CDH8: variants seen among roughly 807,000 people sequenced by gnomAD.
The protein encoded by CDH8 is cadherin-8.
CDH8 carries 17 observed loss-of-function variants against 68.1 expected under a neutral mutation model. That is an observed-to-expected ratio of 0.25 (90% CI 0.17 to 0.37). CDH8 has a LOEUF of 0.37. CDH8 is among the 10% of genes least tolerant of loss of function. The probability of loss-of-function intolerance (pLI) is 1.00; values close to 1 mark genes in which losing one functional copy is unlikely to be tolerated. For synonymous variants in CDH8, 372 were observed against 365.1 expected, an observed-to-expected ratio of 1.02 and a Z score of -0.21; for missense variants, 763 against 999.3, an observed-to-expected ratio of 0.76 and a Z score of 3.19.
At chr16:61,941,828 T>G (rs1437884064) in intron 2 of CDH8, among the ~76,000 whole-genome samples, 1 of 152,218 alleles carries the variant, frequency 6.6e-6, no homozygotes, top group African/African-American at 2.4e-5. Context: ...CCTTTTCTTT[T>G]GCAGAACTCA....
Position 61,647,505 on chromosome 16 carries a change from G to A in CDH8, c.*6103C>T. The A allele has an allele frequency of 3.3e-6, 1 of 307,120 alleles. No homozygotes were observed. Among genetic ancestry groups the A allele is most frequent in the Non-Finnish European group, 6.0e-6 (1 of 167,232 alleles). The allele number at this position is 307,120 out of a possible 1,614,324, so 19.0% of individuals were successfully genotyped here. On this transcript the variant is annotated 3_prime_UTR_variant, in exon 12 of 12. Transcript: ENST00000577390. Reference sequence around the variant, plus strand: ...ATCCCAGTGACTCCTAAATTGTCATGTTCCATCTTAGAGCATAATTGTTAA... The same window carrying A: ...ATCCCAGTGACTCCTAAATTGTCATATTCCATCTTAGAGCATAATTGTTAA...
At chr16:61,884,955 A>T (rs1963646696) in intron 3 of CDH8, among the ~76,000 whole-genome samples, 1 of 152,186 alleles carries the variant, frequency 6.6e-6, no homozygotes, top group Admixed American at 6.5e-5. Flanking sequence ...ATATTTTTAA[A>T]GTCACCTTCC....
chr16:61,648,024 A>T lies in CDH8; in HGVS notation c.*5584T>A. The T allele has an allele frequency of 1.7e-6, 1 of 582,114 alleles. No individual in the cohort carries two copies. Among genetic ancestry groups the T allele is most frequent in the Non-Finnish European group, 3.1e-6 (1 of 327,292 alleles). 36.1% of individuals were successfully genotyped at this position (582,114 alleles called of 1,614,324 possible). On this transcript the variant is annotated 3_prime_UTR_variant, in exon 12 of 12. Coordinates refer to ENST00000577390, the MANE Select transcript of CDH8 (RefSeq NM_001796.5). ...AATAGTACCCAAAGGCACTATTTTCACCAGCAAATGCCTACTAACCTTGAG... is the reference window on the plus strand; with the variant it reads ...AATAGTACCCAAAGGCACTATTTTCTCCAGCAAATGCCTACTAACCTTGAG...
At chr16:61,942,341 T>A (rs550134249) in intron 2 of CDH8, among the ~76,000 whole-genome samples, 2 of 151,944 alleles carry the variant, frequency 1.3e-5, no homozygotes, top group Non-Finnish European at 2.9e-5. Flanking sequence ...AAAATAAAAA[T>A]AAAAAATTAG....
At chr16:61,720,705 T>C (rs1222011350) in intron 9 of CDH8, among the ~76,000 whole-genome samples, 1 of 150,824 alleles carries the variant, frequency 6.6e-6, no homozygotes, top group Non-Finnish European at 1.5e-5. Flanking sequence ...TATGGATCTT[T>C]CTTTCACCCT....
chr16:61,898,577 C>G (rs1036156193), intron 3 of CDH8, among the ~76,000 whole-genome samples: 1 of 152,114 alleles, frequency 6.6e-6, no homozygotes, highest in East Asian at 1.9e-4. Flanking sequence ...GGGATAAACA[C>G]ATATATCAGC....
chr16:61,743,760 CT>C (rs1959941096), intron 8 of CDH8, among the ~76,000 whole-genome samples: 1 of 152,070 alleles, frequency 6.6e-6, no homozygotes, highest in Non-Finnish European at 1.5e-5. Flanking sequence ...ATTTTCAGCA[CT>C]TCTTCTTTTC....
chr16:61,832,379 G>C (rs556275916), intron 4 of CDH8, among the ~76,000 whole-genome samples: 279 of 145,214 alleles, frequency 1.9e-3, no homozygotes, highest in Admixed American at 3.1e-3. Flanking sequence ...TAGATAGATA[G>C]ATACATAGAG....
chr16:61,958,974 G>GCCCGATCATAACTT (rs1385806266), intron 2 of CDH8, among the ~76,000 whole-genome samples: 1 of 152,020 alleles, frequency 6.6e-6, no homozygotes, highest in Non-Finnish European at 1.5e-5. Context: ...GCTACACACA[G>GCCCGATCATAACTT]CCCGATCATA....
chr16:61,744,355 C>T (rs961830336), intron 8 of CDH8, among the ~76,000 whole-genome samples: 1 of 152,014 alleles, frequency 6.6e-6, no homozygotes, highest in Admixed American at 6.6e-5. Flanking sequence ...ACATTTTTCT[C>T]CATATTTGGG....
chr16:61,798,529 T>A (rs1472101694), intron 7 of CDH8, among the ~76,000 whole-genome samples: 1 of 152,202 alleles, frequency 6.6e-6, no homozygotes, highest in African/African-American at 2.4e-5. Context: ...TAATTTAAAT[T>A]AATTTTCTGT....
intron 3 of CDH8, among the ~76,000 whole-genome samples, chr16:61,884,241 T>G (rs565296676): frequency 1.3e-5 from 2 of 152,310 alleles, no homozygotes; most frequent in Admixed American, 1.3e-4. Flanking sequence ...CTGCCATCCC[T>G]GAGACAGCAA....
intron 10 of CDH8, among the ~76,000 whole-genome samples, chr16:61,664,329 T>A (rs574724181): frequency 2.0e-5 from 3 of 152,030 alleles, no homozygotes; most frequent in Non-Finnish European, 2.9e-5. Flanking sequence ...GTAACGGAGA[T>A]AAGACAGACA....
intron 10 of CDH8, chr16:61,711,505 T>C (rs1002566596): frequency 2.0e-5 from 3 of 151,606 alleles, no homozygotes; most frequent in Admixed American, 1.3e-4. Flanking sequence ...AGAAGGAAAA[T>C]ATATATATAT....
intron 2 of CDH8, among the ~76,000 whole-genome samples, chr16:61,903,972 G>T (rs1042378840): frequency 6.6e-6 from 1 of 151,530 alleles, no homozygotes; most frequent in Non-Finnish European, 1.5e-5. Flanking sequence ...AAAAAATGAG[G>T]TATATACGTC....
chr16:61,955,620 T>A (rs373236880), intron 2 of CDH8, among the ~76,000 whole-genome samples: 13 of 152,314 alleles, frequency 8.5e-5, no homozygotes, highest in Non-Finnish European at 1.5e-4. Flanking sequence ...TTCTTTTTTT[T>A]AATTACCATT....
intron 2 of CDH8, among the ~76,000 whole-genome samples, chr16:61,929,330 T>C (rs956903953): frequency 2.5e-4 from 38 of 152,200 alleles, no homozygotes; most frequent in Admixed American, 4.6e-4. Flanking sequence ...GTAGCTTTGG[T>C]ATCAACACAG....
chr16:61,723,549 G>A (rs958764610), intron 9 of CDH8, among the ~76,000 whole-genome samples: 7 of 150,796 alleles, frequency 4.6e-5, no homozygotes, highest in African/African-American at 1.7e-4. Context: ...AACATTTTCT[G>A]CAATTCTATC....
intron 7 of CDH8, among the ~76,000 whole-genome samples, chr16:61,802,066 G>C (rs558676245): frequency 2.8e-5 from 4 of 144,162 alleles, no homozygotes; most frequent in South Asian, 4.4e-4. Context: ...AAGTGTCCCT[G>C]TCTGACAGCT....
Sources: gnomAD v4.1 joint callset for allele counts (sites outside exome capture counted in the v4.1 genomes callset) on GRCh38, gnomAD v4.1.1 for gene constraint, MANE v1.5 for transcripts, NCBI Gene and HGNC (gene_info 2026-07-23, HGNC 2026-07-21) for gene names.